The following RPSA2 variants were observed in gnomAD, a reference collection of about 807,000 sequenced individuals.
RPSA2 encodes the protein ribosomal protein SA 2.
the RPSA2 span, among the ~76,000 whole-genome samples, chr19:23,802,749 G>A: frequency 1.7e-4 from 26 of 152,216 alleles, no homozygotes; most frequent in African/African-American, 6.3e-4. Context: ...AAGCAGTCAT[G>A]GTCCCTACCA....
the RPSA2 span, among the ~76,000 whole-genome samples, chr19:23,835,304 A>T: frequency 6.6e-6 from 1 of 152,150 alleles, no homozygotes; most frequent in African/African-American, 2.4e-5. Context: ...CACATCTATT[A>T]GTCTAAAGAT....
chr19:23,772,109 A>G, the RPSA2 span, among the ~76,000 whole-genome samples: 3 of 152,212 alleles, frequency 2.0e-5, no homozygotes, highest in African/African-American at 7.2e-5. Context: ...ACATTGTGAC[A>G]TATATCTGCA....
At chr19:23,838,761 A>ATT in the RPSA2 span, among the ~76,000 whole-genome samples, 55,612 of 151,954 alleles carry the variant, frequency 0.37, 10,805 homozygotes, top group East Asian at 0.53. Flanking sequence ...GCCTTGAATG[A>ATT]TTTTTTGTAT....
the RPSA2 span, among the ~76,000 whole-genome samples, chr19:23,762,010 C>T: frequency 6.7e-5 from 10 of 150,016 alleles, no homozygotes; most frequent in African/African-American, 2.5e-4. Context: ...CTCTGCCTCC[C>T]GGGTGCAAGC....
chr19:23,770,648 C>T, the RPSA2 span, among the ~76,000 whole-genome samples: 17 of 152,254 alleles, frequency 1.1e-4, no homozygotes, highest in East Asian at 1.2e-3. Context: ...GACGAATCAC[C>T]GGTCTCAGCA....
chr19:23,840,054 A>T, the RPSA2 span, among the ~76,000 whole-genome samples: 4 of 152,112 alleles, frequency 2.6e-5, no homozygotes, highest in African/African-American at 9.7e-5. Context: ...AAAGGTGGTG[A>T]TTTTTTCAGA....
the RPSA2 span, among the ~76,000 whole-genome samples, chr19:23,847,869 G>T: frequency 6.6e-6 from 1 of 152,146 alleles, no homozygotes; most frequent in Non-Finnish European, 1.5e-5. Context: ...GCTAAGAGAA[G>T]AATTTAGGGA....
chr19:23,832,676 C>A, the RPSA2 span: 1 of 1,484,782 alleles, frequency 6.7e-7, no homozygotes, highest in East Asian at 2.8e-5. Flanking sequence ...TGGTTCATTA[C>A]CCTAACTGGT....
chr19:23,782,926 G>T, the RPSA2 span, among the ~76,000 whole-genome samples: 1 of 151,960 alleles, frequency 6.6e-6, no homozygotes, highest in Non-Finnish European at 1.5e-5. Context: ...CCCCTCAGGG[G>T]TATTGTGAAA....
the RPSA2 span, among the ~76,000 whole-genome samples, chr19:23,868,511 CA>C: frequency 0.17 from 25,161 of 150,034 alleles, 2,909 homozygotes; most frequent in East Asian, 0.51. Flanking sequence ...GTTGAGAAAA[CA>C]AAAAAAAAGG....
the RPSA2 span, among the ~76,000 whole-genome samples, chr19:23,809,861 T>C: frequency 6.6e-6 from 1 of 152,232 alleles, no homozygotes; most frequent in Non-Finnish European, 1.5e-5. Context: ...TTCAGTGCTA[T>C]GTTAAAATAG....
the RPSA2 span, chr19:23,832,701 C>T: frequency 4.7e-6 from 7 of 1,505,366 alleles, no homozygotes; most frequent in African/African-American, 1.4e-5. Context: ...AGAGGATGCA[C>T]ACTGGAGAGA....
the RPSA2 span, among the ~76,000 whole-genome samples, chr19:23,766,970 G>A: frequency 2.0e-5 from 3 of 150,926 alleles, no homozygotes; most frequent in African/African-American, 7.3e-5. Context: ...TGTGTTTTTG[G>A]GAGACAGAGT....
chr19:23,835,701 ATCTT>A, the RPSA2 span, among the ~76,000 whole-genome samples: 2 of 151,888 alleles, frequency 1.3e-5, no homozygotes, highest in Non-Finnish European at 2.9e-5. Context: ...CAATGGTGAG[ATCTT>A]GGCTCACTGT....
At chr19:23,763,033 C>G in the RPSA2 span, 1 of 152,662 alleles carries the variant, frequency 6.6e-6, no homozygotes, top group Non-Finnish European at 1.5e-5. Flanking sequence ...TTCTGTTCCG[C>G]GTCCTCCACC....
At chr19:23,758,547 GAC>G in the RPSA2 span, among the ~76,000 whole-genome samples, 118 of 152,316 alleles carry the variant, frequency 7.7e-4, no homozygotes, top group East Asian at 0.02. Context: ...TGCAGGCCAG[GAC>G]ACAGTCACTG....
the RPSA2 span, among the ~76,000 whole-genome samples, chr19:23,806,146 G>A: frequency 5.3e-5 from 8 of 149,686 alleles, no homozygotes; most frequent in East Asian, 1.6e-3. Context: ...CCGGGTTCAA[G>A]CAATTCTCCT....
chr19:23,766,405 A>G, the RPSA2 span, among the ~76,000 whole-genome samples: 1 of 151,772 alleles, frequency 6.6e-6, no homozygotes, highest in Admixed American at 6.6e-5. Flanking sequence ...CAATGAGATA[A>G]AAATGAACAA....
chr19:23,767,483 A>C, the RPSA2 span, among the ~76,000 whole-genome samples: 1 of 152,158 alleles, frequency 6.6e-6, no homozygotes, highest in Admixed American at 6.5e-5. Flanking sequence ...TGGATTCTTG[A>C]AATAAAATTT....
Sources: allele counts gnomAD v4.1 joint callset (sites outside exome capture counted in the v4.1 genomes callset), GRCh38; gene constraint gnomAD v4.1.1; transcripts MANE v1.5; gene names NCBI Gene and HGNC (gene_info 2026-07-23, HGNC 2026-07-21).